The following SPTBN4 variants were observed in gnomAD, a reference collection of about 807,000 sequenced individuals.
SPTBN4 encodes the protein spectrin beta chain, non-erythrocytic 4.
In SPTBN4, 96 loss-of-function variants were observed where a neutral mutation model predicts 277.8. The ratio of observed to expected loss-of-function variants is 0.35; its 90% CI spans 0.29 to 0.41. The LOEUF is 0.41. SPTBN4 is among the 10% of genes least tolerant of loss of function. The pLI is 1.00. For missense variants in SPTBN4, 3,006 were observed against 3,595.7 expected, an observed-to-expected ratio of 0.84 and a Z score of 4.19; for synonymous variants, 1,481 against 1,580.3, an observed-to-expected ratio of 0.94 and a Z score of 1.49.
intron 17 of SPTBN4, among the ~76,000 whole-genome samples, chr19:40,525,428 C>A (rs1197257372): frequency 6.6e-6 from 1 of 151,072 alleles, no homozygotes; most frequent in Non-Finnish European, 1.5e-5. Flanking sequence ...GCTCAACCAA[C>A]TCTCCTGCCT....
intron 6 of SPTBN4, 121 bp downstream of exon 6, chr19:40,495,098 C>T: frequency 2.3e-6 from 2 of 851,584 alleles, no homozygotes; most frequent in African/African-American, 1.7e-5. Flanking sequence ...ATCCCTTCAC[C>T]TCTACACACA....
chr19:40,561,877 A>G (rs915840814), intron 27 of SPTBN4, among the ~76,000 whole-genome samples: 1 of 152,134 alleles, frequency 6.6e-6, no homozygotes, highest in Admixed American at 6.6e-5. Flanking sequence ...GTATATATAC[A>G]TACATAGGAA....
At chr19:40,541,912 T>C (rs965290458) in intron 20 of SPTBN4, among the ~76,000 whole-genome samples, 2 of 151,222 alleles carry the variant, frequency 1.3e-5, no homozygotes, top group African/African-American at 4.9e-5. Context: ...CTAATTTTTG[T>C]ATTTTTTTAT....
intron 27 of SPTBN4, among the ~76,000 whole-genome samples, chr19:40,562,211 G>T (rs2081049426): frequency 6.6e-6 from 1 of 152,156 alleles, no homozygotes; most frequent in African/African-American, 2.4e-5. Context: ...GTTTAGAGCA[G>T]AGTGGAGTGA....
At chr19:40,472,455 G>T (rs1176860248) in intron 1 of SPTBN4, among the ~76,000 whole-genome samples, 152 bp from the exon 2 acceptor site, 1 of 152,184 alleles carries the variant, frequency 6.6e-6, no homozygotes, top group Non-Finnish European at 1.5e-5. Flanking sequence ...GGGATTACAG[G>T]CATGAGCCAC....
At chr19:40,504,470 C>T (rs1274239870) in intron 12 of SPTBN4, among the ~76,000 whole-genome samples, 1 of 152,096 alleles carries the variant, frequency 6.6e-6, no homozygotes, top group East Asian at 1.9e-4. Flanking sequence ...AGTTTCAGAC[C>T]AGCCTGGCCA....
intron 26 of SPTBN4, among the ~76,000 whole-genome samples, chr19:40,558,679 C>T (rs923228984): frequency 6.6e-6 from 1 of 151,440 alleles, no homozygotes; most frequent in East Asian, 2.0e-4. Context: ...GCGATCTCAG[C>T]TCACTGCACC....
intron 2 of SPTBN4, among the ~76,000 whole-genome samples, chr19:40,478,219 A>G (rs2079970569): frequency 6.6e-6 from 1 of 152,124 alleles, no homozygotes; most frequent in South Asian, 2.1e-4. Context: ...GATTTTAAGC[A>G]GAGGTGGGAT....
chr19:40,523,659 C>G lies in SPTBN4; in HGVS notation c.3857+20C>G. The G allele has an allele frequency of 6.3e-7, 1 of 1,590,378 alleles. No homozygotes were observed. Among genetic ancestry groups the G allele is most frequent in the South Asian group, 1.1e-5 (1 of 88,338 alleles). On this transcript the variant is annotated intron_variant, in intron 17 of 35. Coordinates refer to ENST00000598249, the MANE Select transcript of SPTBN4 (RefSeq NM_020971.3). Reference sequence around the variant, plus strand: ...GGAGAAGTAGGTCCCCTAGACCCATCCACCCCAGGGAGGGGGCAGAAGATG... The same window carrying G: ...GGAGAAGTAGGTCCCCTAGACCCATGCACCCCAGGGAGGGGGCAGAAGATG...
chr19:40,496,595 T>G (rs1214717484), intron 6 of SPTBN4, among the ~76,000 whole-genome samples: 1 of 152,122 alleles, frequency 6.6e-6, no homozygotes, highest in East Asian at 1.9e-4. Flanking sequence ...GCAGGTGCTA[T>G]TATTATCCCC....
chr19:40,534,610 T>C (rs985210758), intron 20 of SPTBN4: 3 of 463,590 alleles, frequency 6.5e-6, no homozygotes, highest in African/African-American at 5.8e-5. Flanking sequence ...ATGCTAAAGG[T>C]TTCACAGGAC....
intron 22 of SPTBN4, among the ~76,000 whole-genome samples, chr19:40,552,183 C>T (rs2080924980): frequency 1.3e-5 from 2 of 150,932 alleles, no homozygotes; most frequent in South Asian, 4.2e-4. Context: ...AGGCCAGGTG[C>T]GGTGGCTCAC....
intron 18 of SPTBN4, chr19:40,530,725 C>T (rs563647692): frequency 2.2e-5 from 6 of 268,404 alleles, no homozygotes; most frequent in South Asian, 1.4e-4. Context: ...GCCGGGCAGG[C>T]GCCCGGACCC....
rs182050875 is a variant in SPTBN4 at position 40,543,382 on chromosome 19, C to T, written c.4360-5807C>T. 6.8e-3 allele frequency among the ~76,000 whole-genome samples: 1,030 copies of T among 152,184 alleles called. 15 individuals carry two copies. Among genetic ancestry groups the T allele is most frequent in the African/African-American group, 0.024 (993 of 41,530 alleles). ...TTATGACCAGGGTGTTTTCAGTGTTCTGCTTGGCCCCACTTGGGTCATGTG... is the reference window on the plus strand; with the variant it reads ...TTATGACCAGGGTGTTTTCAGTGTTTTGCTTGGCCCCACTTGGGTCATGTG... On this transcript the variant is annotated intron_variant, in intron 20 of 35. Coordinates refer to ENST00000598249, the MANE Select transcript of SPTBN4 (RefSeq NM_020971.3).
In SPTBN4 at chr19:40,549,305, G is replaced by A; in HGVS notation, c.4476G>A (p.Ala1492=). Residue 1492 remains alanine (A), a synonymous_variant, in exon 21 of 36, where the codon GCG becomes GCA. Transcript: ENST00000598249. The part of the protein sequence containing the change: ...SKELVGERQN[A]VGERLVRLLE... ...AGCTGGTGGGTGAGCGGCAGAACGC[G>A]GTGGGCGAGCGCCTGGTGCGCCTGC... is the stretch of plus-strand genomic sequence containing the variant. The A allele has an allele frequency of 1.3e-6, 2 of 1,541,446 alleles. No individual in the cohort carries two copies. The highest frequency in any genetic ancestry group is 1.7e-6 in the Non-Finnish European group (2 of 1,145,984).
At chr19:40,468,463 A>G (rs1479613012) in intron 1 of SPTBN4, among the ~76,000 whole-genome samples, 1 of 150,416 alleles carries the variant, frequency 6.6e-6, no homozygotes, top group Non-Finnish European at 1.5e-5. Context: ...TGCAACCTCC[A>G]TCCCCCAGGT....
At chr19:40,545,130 G>A (rs187460250) in intron 20 of SPTBN4, among the ~76,000 whole-genome samples, 1 of 151,382 alleles carries the variant, frequency 6.6e-6, no homozygotes, top group Non-Finnish European at 1.5e-5. Context: ...GAGTCTTGCT[G>A]TGTCACCCAG....
chr19:40,468,028 T>A (rs1050359809), intron 1 of SPTBN4, among the ~76,000 whole-genome samples: 1 of 152,056 alleles, frequency 6.6e-6, no homozygotes, highest in Admixed American at 6.6e-5. Flanking sequence ...GATCCCTGCA[T>A]TAATAACTTA....
intron 20 of SPTBN4, among the ~76,000 whole-genome samples, chr19:40,546,148 T>G (rs1175044655): frequency 7.3e-6 from 1 of 137,636 alleles, no homozygotes; most frequent in African/African-American, 2.8e-5. Context: ...TCACTTGAAC[T>G]GAGGAGGCAG....
Sources: gnomAD v4.1 joint callset for allele counts (sites outside exome capture counted in the v4.1 genomes callset) on GRCh38, gnomAD v4.1.1 for gene constraint, MANE v1.5 for transcripts, NCBI Gene and HGNC (gene_info 2026-07-23, HGNC 2026-07-21) for gene names.